Variants in GPHN observed in about 807,000 individuals in gnomAD.
The protein encoded by GPHN is gephyrin.
A neutral mutation model predicts 95.5 loss-of-function variants in GPHN; 17 were observed. The ratio of observed to expected loss-of-function variants is 0.18; its 90% CI spans 0.12 to 0.27. The LOEUF is 0.27. Among genes scored for constraint, GPHN ranks in the 10% least tolerant of loss-of-function variants. The pLI, the probability that GPHN is intolerant of heterozygous loss-of-function variation, is 1.00. For missense variants in GPHN, 660 were observed against 978.1 expected, an observed-to-expected ratio of 0.67 and a Z score of 4.34; for synonymous variants, 320 against 322.5, an observed-to-expected ratio of 0.99 and a Z score of 0.08.
intron 10 of GPHN, among the ~76,000 whole-genome samples, chr14:67,055,657 C>T (rs1026143477): frequency 2.3e-4 from 35 of 152,324 alleles, no homozygotes; most frequent in African/African-American, 6.7e-4. Context: ...TCAACCCAAA[C>T]GCCTATCAAT....
At chr14:67,550,026 G>A in the GPHN span, among the ~76,000 whole-genome samples, 1 of 152,156 alleles carries the variant, frequency 6.6e-6, no homozygotes, top group South Asian at 2.1e-4. Context: ...GCCCAGAGAG[G>A]TTCTGGGGTT....
chr14:66,828,654 G>A (rs2061468331), intron 4 of GPHN, among the ~76,000 whole-genome samples: 2 of 151,874 alleles, frequency 1.3e-5, no homozygotes, highest in Non-Finnish European at 2.9e-5. Context: ...GGATGTGTGT[G>A]TTGTAAGAAA....
At chr14:67,519,554 T>G in the GPHN span, among the ~76,000 whole-genome samples, 1 of 152,086 alleles carries the variant, frequency 6.6e-6, no homozygotes, top group Admixed American at 6.5e-5. Flanking sequence ...TAAGCCCTAC[T>G]AGGTACTGCA....
At chr14:67,393,717 G>A in the GPHN span, among the ~76,000 whole-genome samples, 1 of 152,118 alleles carries the variant, frequency 6.6e-6, no homozygotes, top group African/African-American at 2.4e-5. Context: ...GCCTCCGAAA[G>A]TACTGGGATT....
chr14:66,988,204 C>T lies in GPHN; in HGVS notation c.963+22879C>T, dbSNP rs377513614. Among the ~76,000 whole-genome samples the T allele has an allele frequency of 1.1e-4, 16 of 152,100 alleles. No individual in the cohort carries two copies. The East Asian group carries it at 2.1e-3, about 20-fold the overall frequency. On this transcript the variant is annotated intron_variant, in intron 9 of 22. Coordinates refer to ENST00000478722, the MANE Select transcript of GPHN (RefSeq NM_020806.5). ...TTAGCAGGGTAGAGGACCCTAAAGC[C>T]ACACTGACTAACATTGCTGTTGACT...
intron 12 of GPHN, among the ~76,000 whole-genome samples, chr14:67,094,594 A>G (rs1278035209): frequency 6.6e-6 from 1 of 152,092 alleles, no homozygotes; most frequent in Admixed American, 6.6e-5. Flanking sequence ...ATGTGCTATC[A>G]TGCCTCCGCT....
chr14:67,642,193 C>T, the GPHN span: 1 of 1,613,792 alleles, frequency 6.2e-7, no homozygotes, highest in South Asian at 1.1e-5. Context: ...CAGGCTGCCA[C>T]CTAAAAGACT....
At chr14:67,663,260 G>A in the GPHN span, 46 of 1,112,740 alleles carry the variant, frequency 4.1e-5, no homozygotes, top group Admixed American at 7.9e-4. Flanking sequence ...TGTCTTAATT[G>A]TATTTTCTGA....
intron 12 of GPHN, among the ~76,000 whole-genome samples, chr14:67,098,425 C>T (rs1375011361): frequency 6.6e-6 from 1 of 151,868 alleles, no homozygotes; most frequent in Non-Finnish European, 1.5e-5. Context: ...GCTGAGAGTC[C>T]CTGAAGCTAA....
the GPHN span, among the ~76,000 whole-genome samples, chr14:67,619,481 AG>A: frequency 3.9e-5 from 6 of 152,218 alleles, no homozygotes; most frequent in Non-Finnish European, 8.8e-5. Flanking sequence ...GATAGAACGA[AG>A]CAGGTGGATC....
At chr14:67,663,554 T>C in the GPHN span, among the ~76,000 whole-genome samples, 7 of 151,180 alleles carry the variant, frequency 4.6e-5, no homozygotes, top group East Asian at 1.2e-3. Flanking sequence ...GGCGCCTGTA[T>C]TCCCAGCTAC....
At chr14:67,032,742 C>T (rs982688571) in intron 10 of GPHN, among the ~76,000 whole-genome samples, 3 of 152,024 alleles carry the variant, frequency 2.0e-5, no homozygotes, top group African/African-American at 4.8e-5. Context: ...TTTCAGAGGC[C>T]GCCTCAGAAT....
At chr14:66,948,020 A>G (rs187077277) in intron 8 of GPHN, among the ~76,000 whole-genome samples, 1 of 152,362 alleles carries the variant, frequency 6.6e-6, no homozygotes, top group East Asian at 1.9e-4. Context: ...TCCTATATTA[A>G]GTAAATATAT....
At chr14:66,663,777 A>G (rs1418849819) in intron 1 of GPHN, among the ~76,000 whole-genome samples, 1 of 152,224 alleles carries the variant, frequency 6.6e-6, no homozygotes, top group Non-Finnish European at 1.5e-5. Flanking sequence ...TCAAAAAAGG[A>G]TGGAGGAAAA....
intron 1 of GPHN, among the ~76,000 whole-genome samples, chr14:66,518,205 A>G (rs1164300674): frequency 6.6e-6 from 1 of 152,082 alleles, no homozygotes; most frequent in Admixed American, 6.5e-5. Context: ...TCAAAAGAAG[A>G]CATACAAATG....
At chr14:66,702,174 C>A (rs938559208) in intron 2 of GPHN, among the ~76,000 whole-genome samples, 1 of 152,170 alleles carries the variant, frequency 6.6e-6, no homozygotes, top group East Asian at 1.9e-4. Flanking sequence ...GGGAAGGAGT[C>A]GCCACAGTCT....
chr14:67,525,853 C>G, the GPHN span, among the ~76,000 whole-genome samples: 2 of 152,308 alleles, frequency 1.3e-5, no homozygotes, highest in South Asian at 4.1e-4. Context: ...AAGCATGATG[C>G]CCTGTGCCCA....
At chr14:67,667,062 G>A in the GPHN span, among the ~76,000 whole-genome samples, 1 of 152,170 alleles carries the variant, frequency 6.6e-6, no homozygotes, top group East Asian at 1.9e-4. Flanking sequence ...CCACAAGCCT[G>A]CCCAAATCAG....
chr14:66,736,025 A>G (rs2072231772), intron 2 of GPHN, among the ~76,000 whole-genome samples: 1 of 152,224 alleles, frequency 6.6e-6, no homozygotes, highest in African/African-American at 2.4e-5. Context: ...TGAAGAAGCT[A>G]AAGGCTTTTT....
Sources: gnomAD v4.1 joint callset for allele counts (sites outside exome capture counted in the v4.1 genomes callset) on GRCh38, gnomAD v4.1.1 for gene constraint, MANE v1.5 for transcripts, NCBI Gene and HGNC (gene_info 2026-07-23, HGNC 2026-07-21) for gene names.